ARAP2: variants seen among roughly 807,000 people sequenced by gnomAD.
ARAP2 encodes the protein ArfGAP with RhoGAP domain, ankyrin repeat and PH domain 2.
In ARAP2, 148 loss-of-function variants were observed where a neutral mutation model predicts 194.5. The ratio of observed to expected loss-of-function variants is 0.76; its 90% CI spans 0.67 to 0.87. The LOEUF is 0.87. Ranked by LOEUF, ARAP2 falls within the 40% of genes least tolerant of loss-of-function variation. The probability of loss-of-function intolerance (pLI) is 0.00; values close to 1 mark genes in which losing one functional copy is unlikely to be tolerated. For missense variants in ARAP2, 2,128 were observed against 1,989.7 expected (o/e 1.07, Z -1.32); for synonymous variants, 695 against 683.5 (o/e 1.02, Z -0.26).
intron 9 of ARAP2, among the ~76,000 whole-genome samples, chr4:36,171,519 G>A: frequency 6.6e-6 from 1 of 151,816 alleles, no homozygotes; most frequent in Non-Finnish European, 1.5e-5. Flanking sequence ...GGGGACTGTT[G>A]TGGGGTGGGG....
chr4:36,142,402 C>A (rs549291267), intron 19 of ARAP2, among the ~76,000 whole-genome samples: 1 of 151,462 alleles, frequency 6.6e-6, no homozygotes, highest in African/African-American at 2.4e-5. Context: ...CTGGGTCAAA[C>A]CCCTTACCTC....
chr4:36,085,294 A>T (rs974144345), intron 28 of ARAP2, among the ~76,000 whole-genome samples: 1 of 152,050 alleles, frequency 6.6e-6, no homozygotes, highest in Non-Finnish European at 1.5e-5. Flanking sequence ...ATAGCTGATA[A>T]ATATTCAGTT....
chr4:36,064,419 G>C (rs537883075), downstream of ARAP2, among the ~76,000 whole-genome samples: 1 of 152,174 alleles, frequency 6.6e-6, no homozygotes, highest in Non-Finnish European at 1.5e-5. Flanking sequence ...AGAGGCAGGG[G>C]CCAAGGTTGG....
At chr4:36,082,129 C>T (rs1729700170) in intron 30 of ARAP2, 122 bp downstream of exon 30, 4 of 878,150 alleles carry the variant, frequency 4.6e-6, no homozygotes, top group Non-Finnish European at 7.1e-6. Flanking sequence ...TTACAAACAA[C>T]CCTAATTTCA....
In ARAP2 at chr4:36,201,017, C is replaced by G. The variant is rs138243170; in HGVS notation, c.1488-7370G>C. On this transcript the variant is annotated intron_variant, in intron 6 of 32. Transcript: ENST00000303965. ...GATCTGAAATAATGATGCGTTATTA[C>G]ACAGAAAATAGATTTAAAGTTGCAA... is the stretch of plus-strand genomic sequence containing the variant. 2.0e-3 allele frequency among the ~76,000 whole-genome samples: 298 copies of G among 152,292 alleles called. 1 individual carries two copies. The highest frequency in any genetic ancestry group is 6.8e-3 in the African/African-American group (282 of 41,558).
intron 6 of ARAP2, among the ~76,000 whole-genome samples, chr4:36,205,782 C>A (rs116151307): frequency 1.7e-3 from 265 of 152,232 alleles, no homozygotes; most frequent in Admixed American, 4.3e-3. Flanking sequence ...GATTCCAAAC[C>A]CTATTCATTT....
At chr4:36,217,037 G>A (rs1443541439) in intron 2 of ARAP2, among the ~76,000 whole-genome samples, 1 of 152,202 alleles carries the variant, frequency 6.6e-6, no homozygotes, top group Non-Finnish European at 1.5e-5. Flanking sequence ...ATGAGCATGT[G>A]AAACAGGGAT....
intron 2 of ARAP2, among the ~76,000 whole-genome samples, chr4:36,223,661 G>C (rs1195507782): frequency 6.6e-6 from 1 of 152,088 alleles, no homozygotes; most frequent in Non-Finnish European, 1.5e-5. Flanking sequence ...ACAGTCATAA[G>C]GGTGGGGCCC....
intron 27 of ARAP2, among the ~76,000 whole-genome samples, chr4:36,102,169 C>T (rs777946986): frequency 4.6e-5 from 7 of 151,900 alleles, no homozygotes; most frequent in Non-Finnish European, 8.8e-5. Flanking sequence ...TATTTAGTTC[C>T]CTTCTAGACA....
intron 6 of ARAP2, among the ~76,000 whole-genome samples, chr4:36,206,089 A>G (rs1384534699): frequency 6.6e-6 from 1 of 152,202 alleles, no homozygotes; most frequent in Non-Finnish European, 1.5e-5. Flanking sequence ...GCCCCAAGAA[A>G]GCATACCAAG....
At chr4:36,092,631 T>A (rs1257750771) in intron 27 of ARAP2, among the ~76,000 whole-genome samples, 1 of 152,148 alleles carries the variant, frequency 6.6e-6, no homozygotes, top group Admixed American at 6.6e-5. Context: ...TAAAAAAGAA[T>A]ATATCACAAT....
chr4:36,101,800 C>T (rs1201171824), intron 27 of ARAP2, among the ~76,000 whole-genome samples: 1 of 152,090 alleles, frequency 6.6e-6, no homozygotes, highest in South Asian at 2.1e-4. Flanking sequence ...TAATATCTAA[C>T]ATGAAATTCT....
chr4:36,111,942 C>G (rs1173742974), intron 26 of ARAP2, among the ~76,000 whole-genome samples: 2 of 151,972 alleles, frequency 1.3e-5, no homozygotes, highest in African/African-American at 4.8e-5. Context: ...CCTAAACCCA[C>G]AATTCAGTAT....
At chr4:36,031,391 C>T (rs1718925904) in intron 5 of ARAP2, among the ~76,000 whole-genome samples, 1 of 152,106 alleles carries the variant, frequency 6.6e-6, no homozygotes, top group African/African-American at 2.4e-5. Context: ...TACTAAGAAG[C>T]TTAGTCACTG....
intron 19 of ARAP2, among the ~76,000 whole-genome samples, chr4:36,141,233 A>G (rs750317816): frequency 1.3e-4 from 19 of 151,478 alleles, no homozygotes; most frequent in Non-Finnish European, 2.1e-4. Context: ...ATTTGACAAT[A>G]TTATTTTTTT....
chr4:36,049,551 T>C (rs544648850), intron 3 of ARAP2, among the ~76,000 whole-genome samples: 1 of 152,324 alleles, frequency 6.6e-6, no homozygotes, highest in East Asian at 1.9e-4. Context: ...TTTAATTATG[T>C]AGTTATTTTG....
chr4:36,135,535 T>C (rs1056806418), intron 19 of ARAP2, among the ~76,000 whole-genome samples: 2 of 151,832 alleles, frequency 1.3e-5, no homozygotes, highest in Non-Finnish European at 2.9e-5. Flanking sequence ...GACCTCCAGG[T>C]GTTGTAATTT....
At chr4:36,157,004 A>C (rs1268346299) in intron 15 of ARAP2, among the ~76,000 whole-genome samples, 1 of 152,212 alleles carries the variant, frequency 6.6e-6, no homozygotes, top group Admixed American at 6.5e-5. Context: ...GAGGTACTCA[A>C]GTAAATTTAA....
At chr4:36,156,014 G>A (rs1054262519) in intron 15 of ARAP2, among the ~76,000 whole-genome samples, 5 of 152,026 alleles carry the variant, frequency 3.3e-5, no homozygotes, top group African/African-American at 1.2e-4. Context: ...GGGCACAATG[G>A]CTCATGCCTG....
Sources: gnomAD v4.1 joint callset for allele counts (sites outside exome capture counted in the v4.1 genomes callset) on GRCh38, gnomAD v4.1.1 for gene constraint, MANE v1.5 for transcripts, NCBI Gene and HGNC (gene_info 2026-07-23, HGNC 2026-07-21) for gene names.